The following CNPY1 variants were observed in gnomAD, a reference collection of about 807,000 sequenced individuals.
CNPY1 encodes canopy FGF signaling regulator 1, also known as protein canopy homolog 1.
Under a neutral mutation model 14.4 loss-of-function variants are expected in CNPY1, and 14 were observed. The observed-to-expected ratio is 0.97, with a 90% confidence interval of 0.64 to 1.52. The LOEUF (loss-of-function observed/expected upper bound fraction) is 1.52. CNPY1 is among the 40% of genes most tolerant of loss of function. CNPY1 has a pLI of 0.00. For missense variants in CNPY1, 129 were observed against 131.5 expected (o/e 0.98, Z 0.09); for synonymous variants, 43 against 46.5 (o/e 0.92, Z 0.31).
At chr7:155,505,685 A>C (rs1264318303) in intron 4 of CNPY1, among the ~76,000 whole-genome samples, 1 of 152,238 alleles carries the variant, frequency 6.6e-6, no homozygotes, top group Non-Finnish European at 1.5e-5. Flanking sequence ...AGGAAAAAAT[A>C]GGGAAATTAA....
intron 2 of CNPY1, among the ~76,000 whole-genome samples, chr7:155,542,482 A>G (rs1224421672): frequency 2.0e-5 from 3 of 152,194 alleles, no homozygotes; most frequent in Non-Finnish European, 4.4e-5. Context: ...TTCCTGACTG[A>G]TGCTGGGGCC....
chr7:155,526,402 G>A (rs946385817), intron 2 of CNPY1, among the ~76,000 whole-genome samples: 3 of 152,164 alleles, frequency 2.0e-5, no homozygotes, highest in Admixed American at 1.3e-4. Flanking sequence ...CAAACAAGAC[G>A]GGGTGCCCAA....
intron 2 of CNPY1, among the ~76,000 whole-genome samples, chr7:155,519,635 G>A (rs545803950): frequency 2.3e-4 from 33 of 146,234 alleles, no homozygotes; most frequent in African/African-American, 8.4e-4. Flanking sequence ...GTTATTGGTG[G>A]CAAAAAAAAA....
chr7:155,543,988 A>G (rs1797130741), intron 2 of CNPY1, among the ~76,000 whole-genome samples: 1 of 152,216 alleles, frequency 6.6e-6, no homozygotes, highest in Non-Finnish European at 1.5e-5. Context: ...GAAGTGGAAC[A>G]TCCTCCAAGA....
At chr7:155,520,379 G>A (rs955072338) in intron 2 of CNPY1, among the ~76,000 whole-genome samples, 11 of 151,672 alleles carry the variant, frequency 7.3e-5, no homozygotes, top group African/African-American at 2.7e-4. Flanking sequence ...AGCGCCTGCT[G>A]GGAGTGGCCA....
intron 2 of CNPY1, among the ~76,000 whole-genome samples, chr7:155,519,562 T>TAAGA (rs201581194): frequency 1.5e-5 from 2 of 136,520 alleles, no homozygotes; most frequent in African/African-American, 6.8e-5. Flanking sequence ...AATAAATAAA[T>TAAGA]AAGAAAGAAA....
intron 2 of CNPY1, among the ~76,000 whole-genome samples, chr7:155,516,060 C>G (rs531505755): frequency 6.6e-6 from 1 of 152,210 alleles, no homozygotes; most frequent in East Asian, 1.9e-4. Context: ...GACATGCACC[C>G]TGTCTATTGC....
chr7:155,525,762 C>T (rs923559088), intron 2 of CNPY1, among the ~76,000 whole-genome samples: 1 of 152,182 alleles, frequency 6.6e-6, no homozygotes, highest in African/African-American at 2.4e-5. Flanking sequence ...CTTTTTATAT[C>T]ATGCTAGTCT....
At chr7:155,527,608 AT>A (rs750783721) in intron 2 of CNPY1, among the ~76,000 whole-genome samples, 2,576 of 135,600 alleles carry the variant, frequency 0.019, 56 homozygotes, top group African/African-American at 0.057. Context: ...CACCCTGCTA[AT>A]TTTTTTTTTT....
At chr7:155,510,897 A>T (rs951437122) in intron 2 of CNPY1, among the ~76,000 whole-genome samples, 4 of 152,278 alleles carry the variant, frequency 2.6e-5, no homozygotes, top group African/African-American at 9.6e-5. Flanking sequence ...GGCAGATTTT[A>T]AAATGTAATT....
intron 2 of CNPY1, among the ~76,000 whole-genome samples, chr7:155,516,292 T>G (rs955630076): frequency 6.6e-6 from 1 of 152,206 alleles, no homozygotes; most frequent in South Asian, 2.1e-4. Context: ...CTAGAACATT[T>G]GTGAAAAATC....
At chr7:155,542,615 A>G (rs1295777887) in intron 2 of CNPY1, among the ~76,000 whole-genome samples, 1 of 152,196 alleles carries the variant, frequency 6.6e-6, no homozygotes, top group Non-Finnish European at 1.5e-5. Flanking sequence ...GGGTCCCCAC[A>G]TATCCCGGGG....
At chr7:155,539,759 G>A (rs1797063571) in intron 2 of CNPY1, among the ~76,000 whole-genome samples, 1 of 152,180 alleles carries the variant, frequency 6.6e-6, no homozygotes, top group Non-Finnish European at 1.5e-5. Context: ...TCCAACAAGG[G>A]CAAGATGGTT....
rs112409058 is a variant in CNPY1, at chr7:155,502,002, T to A, written c.*1066A>T. Reference sequence around the variant, plus strand: ...GGCAAAGAGTTTTGGGTCGGGGGGGTTGGGGGGGGGATTTGTAGCATCCTA... The same window carrying A: ...GGCAAAGAGTTTTGGGTCGGGGGGGATGGGGGGGGGATTTGTAGCATCCTA... On this transcript the variant is annotated 3_prime_UTR_variant, in exon 5 of 5. Coordinates refer to ENST00000636446, the MANE Select transcript of CNPY1 (RefSeq NM_001393663.1). The A allele has an allele frequency of 1.9e-4, 3 of 15,822 alleles. No individual in the cohort carries two copies. Among genetic ancestry groups the A allele is most frequent in the Admixed American group, 2.0e-3 (2 of 1,000 alleles). 1.0% of individuals were successfully genotyped at this position (15,822 alleles called of 1,614,324 possible).
At chr7:155,525,552 G>T (rs1796803803) in intron 2 of CNPY1, among the ~76,000 whole-genome samples, 1 of 144,488 alleles carries the variant, frequency 6.9e-6, no homozygotes, top group Admixed American at 7.1e-5. Context: ...TTGCGCTTCT[G>T]CTCATGTAAT....
At chr7:155,515,566 A>T (rs1016842210) in intron 2 of CNPY1, among the ~76,000 whole-genome samples, 1 of 152,082 alleles carries the variant, frequency 6.6e-6, no homozygotes, top group Admixed American at 6.5e-5. Context: ...GTCCAGTCAC[A>T]AATCGAGAGG....
At chr7:155,542,720 C>A (rs981666658) in intron 2 of CNPY1, among the ~76,000 whole-genome samples, 3 of 152,230 alleles carry the variant, frequency 2.0e-5, no homozygotes, top group African/African-American at 7.2e-5. Context: ...TCTGTCCCAG[C>A]CCCACATCCA....
chr7:155,504,837 A>G (rs1370182079), intron 4 of CNPY1, among the ~76,000 whole-genome samples: 2 of 152,144 alleles, frequency 1.3e-5, no homozygotes, highest in Non-Finnish European at 2.9e-5. Flanking sequence ...TATGACTGTC[A>G]TATTCTGGTT....
chr7:155,534,399 G>A (rs1253420511), intron 2 of CNPY1, among the ~76,000 whole-genome samples: 2 of 152,052 alleles, frequency 1.3e-5, no homozygotes, highest in African/African-American at 2.4e-5. Context: ...ACACATGCAC[G>A]TGTACACACG....
Sources: gnomAD v4.1 joint callset for allele counts (sites outside exome capture counted in the v4.1 genomes callset) on GRCh38, gnomAD v4.1.1 for gene constraint, MANE v1.5 for transcripts, NCBI Gene and HGNC (gene_info 2026-07-23, HGNC 2026-07-21) for gene names.